Variants in IL1RAPL2 observed in about 807,000 individuals in gnomAD.
IL1RAPL2 encodes interleukin 1 receptor accessory protein like 2.
A neutral mutation model predicts 44.1 loss-of-function variants in IL1RAPL2; 3 were observed. The observed-to-expected ratio is 0.07, with a 90% CI of 0.03 to 0.18. The LOEUF is 0.18. Among genes scored for constraint, IL1RAPL2 ranks in the 10% least tolerant of loss-of-function variants. IL1RAPL2 has a pLI of 1.00. For missense variants in IL1RAPL2, 391 were observed against 496.4 expected (o/e 0.79, Z 2.02); for synonymous variants, 181 against 178.8 (o/e 1.01, Z -0.10).
At chrX:105,169,576 C>T (rs1464942960) in intron 2 of IL1RAPL2, among the ~76,000 whole-genome samples, 1 of 88,534 alleles carries the variant, frequency 1.1e-5, no homozygotes. Context: ...GCGGTCTTGG[C>T]TCACTGCAAC....
intron 1 of IL1RAPL2, among the ~76,000 whole-genome samples, chrX:104,654,012 A>AT (rs1046240528): frequency 6.3e-5 from 7 of 110,615 alleles, no homozygotes; most frequent in African/African-American, 2.0e-4. Context: ...CAATTTACTG[A>AT]TTTTTTTAAC....
intron 6 of IL1RAPL2, among the ~76,000 whole-genome samples, chrX:105,581,454 T>C (rs1320581462): frequency 8.9e-6 from 1 of 111,822 alleles, no homozygotes; most frequent in African/African-American, 3.2e-5. Context: ...TTTAATCTTT[T>C]ATTCCTATTT....
chrX:104,888,160 G>A (rs1923307099), intron 2 of IL1RAPL2, among the ~76,000 whole-genome samples: 1 of 109,684 alleles, frequency 9.1e-6, no homozygotes, highest in Non-Finnish European at 1.9e-5. Context: ...GAAGCAGAAG[G>A]GAGAACAGCA....
At chrX:105,274,533 T>C (rs1048905795) in intron 5 of IL1RAPL2, among the ~76,000 whole-genome samples, 16 of 112,198 alleles carry the variant, frequency 1.4e-4, no homozygotes, top group African/African-American at 4.9e-4. Flanking sequence ...AATCAACACA[T>C]AAATCAGTGC....
At chrX:105,210,642 C>A (rs1239181398) in intron 3 of IL1RAPL2, among the ~76,000 whole-genome samples, 2 of 111,532 alleles carry the variant, frequency 1.8e-5, no homozygotes, top group Non-Finnish European at 3.8e-5. Flanking sequence ...TATTGGGAAA[C>A]CCTGCCCTAG....
At chrX:105,729,876 A>AGAAGGAAGGAAG (rs768197336) in intron 7 of IL1RAPL2, among the ~76,000 whole-genome samples, 1,060 of 51,230 alleles carry the variant, frequency 0.021, 30 homozygotes, top group Middle Eastern at 0.031. Context: ...AAGGAAGGAA[A>AGAAGGAAGGAAG]GAAGGAAGGA....
intron 2 of IL1RAPL2, among the ~76,000 whole-genome samples, chrX:105,144,252 CT>C (rs1279109274): frequency 2.7e-5 from 3 of 109,868 alleles, no homozygotes; most frequent in African/African-American, 1.0e-4. Flanking sequence ...GTGGATCTAG[CT>C]ACTTACTAAC....
chrX:104,690,781 T>C (rs1398949097), intron 2 of IL1RAPL2, among the ~76,000 whole-genome samples: 1 of 112,157 alleles, frequency 8.9e-6, no homozygotes, highest in Admixed American at 9.5e-5. Context: ...TTCATTTAGA[T>C]AAGAAACTCC....
At chrX:104,728,604 G>A (rs191134892) in intron 2 of IL1RAPL2, among the ~76,000 whole-genome samples, 66 of 110,964 alleles carry the variant, frequency 5.9e-4, no homozygotes, top group Non-Finnish European at 1.0e-3. Flanking sequence ...CATGACTGAC[G>A]TCCTTATAAA....
chrX:104,943,178 G>A (rs1925240309), intron 2 of IL1RAPL2, among the ~76,000 whole-genome samples: 1 of 110,866 alleles, frequency 9.0e-6, no homozygotes, highest in African/African-American at 3.3e-5. Context: ...GTCTCTGCCA[G>A]GCTTTGGTAA....
chrX:104,876,130 A>G (rs1922894145), intron 2 of IL1RAPL2, among the ~76,000 whole-genome samples: 1 of 110,999 alleles, frequency 9.0e-6, no homozygotes, highest in Non-Finnish European at 1.9e-5. Context: ...TCTACTTTTA[A>G]TTTGGCTTGA....
At chrX:105,524,872 A>G (rs2036585427) in intron 6 of IL1RAPL2, among the ~76,000 whole-genome samples, 1 of 111,387 alleles carries the variant, frequency 9.0e-6, no homozygotes, top group African/African-American at 3.3e-5. Flanking sequence ...AATTGAGGGT[A>G]AAGTAGTCCC....
intron 5 of IL1RAPL2, among the ~76,000 whole-genome samples, chrX:105,464,937 G>GA (rs1329376062): frequency 2.7e-5 from 3 of 111,272 alleles, no homozygotes; most frequent in Non-Finnish European, 5.7e-5. Context: ...GGATATGGGG[G>GA]AAAATCAGAG....
At chrX:105,676,957 G>A (rs904937614) in intron 6 of IL1RAPL2, among the ~76,000 whole-genome samples, 2 of 111,677 alleles carry the variant, frequency 1.8e-5, no homozygotes, top group Non-Finnish European at 3.8e-5. Flanking sequence ...TATTTAACAA[G>A]ATACATAGTA....
intron 2 of IL1RAPL2, among the ~76,000 whole-genome samples, chrX:104,936,570 A>G: frequency 9.1e-6 from 1 of 110,321 alleles, no homozygotes; most frequent in Non-Finnish European, 1.9e-5. Flanking sequence ...CACAGGTACT[A>G]AAATATCACT....
Position 104,834,265 on chromosome X carries a change from C to G in IL1RAPL2, c.82+175270C>G, listed in dbSNP as rs192359686. Among the ~76,000 whole-genome samples the G allele has an allele frequency of 2.3e-3, 256 of 112,161 alleles. 1 individual carries two copies. The highest frequency in any genetic ancestry group is 3.6e-3 in the Non-Finnish European group (192 of 53,212). On this transcript the variant is annotated intron_variant, in intron 2 of 10. Transcript: ENST00000372582. ...TTCAATACATTGCTGAAACTTACTT[C>G]TGTAAAATTTTTGTGATTTGATTGA... is the stretch of plus-strand genomic sequence containing the variant.
intron 2 of IL1RAPL2, among the ~76,000 whole-genome samples, chrX:104,822,860 T>G (rs985354842): frequency 8.9e-6 from 1 of 111,814 alleles, no homozygotes; most frequent in Non-Finnish European, 1.9e-5. Context: ...TATGGCCATT[T>G]TCACAATATT....
intron 2 of IL1RAPL2, among the ~76,000 whole-genome samples, chrX:105,002,941 A>G (rs1165532507): frequency 9.0e-6 from 1 of 111,381 alleles, no homozygotes; most frequent in Non-Finnish European, 1.9e-5. Flanking sequence ...TTTTTCATGT[A>G]CCAGAGAGTT....
chrX:104,757,806 AAAG>A (rs1388381355), intron 2 of IL1RAPL2, among the ~76,000 whole-genome samples: 6 of 112,145 alleles, frequency 5.4e-5, no homozygotes, highest in Admixed American at 9.5e-5. Context: ...ACCATTAAGA[AAAG>A]AAGATTTTTA....
Sources: gnomAD v4.1 joint callset for allele counts (sites outside exome capture counted in the v4.1 genomes callset) on GRCh38, gnomAD v4.1.1 for gene constraint, MANE v1.5 for transcripts, NCBI Gene and HGNC (gene_info 2026-07-23, HGNC 2026-07-21) for gene names.